The following TSGA10 variants were observed in gnomAD, a reference collection of about 807,000 sequenced individuals.
The protein encoded by TSGA10 is testis-specific gene 10 protein.
A neutral mutation model predicts 96.6 loss-of-function variants in TSGA10; 43 were observed. The observed-to-expected ratio is 0.44, with a 90% CI of 0.35 to 0.57. The LOEUF (loss-of-function observed/expected upper bound fraction) is 0.57. Among genes scored for constraint, TSGA10 ranks in the 20% least tolerant of loss-of-function variants. The pLI, the probability that TSGA10 is intolerant of heterozygous loss-of-function variation, is 0.01. For missense variants in TSGA10, 703 were observed against 834.4 expected, an observed-to-expected ratio of 0.84 and a Z score of 1.94; for synonymous variants, 229 against 269.9, an observed-to-expected ratio of 0.85 and a Z score of 1.48.
intron 1 of TSGA10, among the ~76,000 whole-genome samples, chr2:99,128,973 C>T (rs549720467): frequency 1.6e-4 from 24 of 152,292 alleles, no homozygotes; most frequent in African/African-American, 5.5e-4. Flanking sequence ...GTCTTTAACT[C>T]CTGGGCTCAA....
intron 17 of TSGA10, among the ~76,000 whole-genome samples, chr2:99,022,367 C>T (rs544352933): frequency 9.1e-5 from 13 of 142,526 alleles, no homozygotes; most frequent in Admixed American, 2.9e-4. Flanking sequence ...CAACACAGAA[C>T]GTTCTCTGGC....
intron 16 of TSGA10, among the ~76,000 whole-genome samples, chr2:99,036,042 T>C (rs915368528): frequency 6.6e-6 from 1 of 152,084 alleles, no homozygotes; most frequent in African/African-American, 2.4e-5. Context: ...GTTACATAAA[T>C]GCTTTCGAAT....
intron 1 of TSGA10, among the ~76,000 whole-genome samples, chr2:99,139,709 TC>T (rs2093458009): frequency 1.3e-5 from 2 of 152,078 alleles, no homozygotes; most frequent in Admixed American, 6.6e-5. Context: ...TAAAGATTAA[TC>T]TTAAAAAAAA....
At chr2:99,066,858 C>A (rs757537545) in intron 15 of TSGA10, among the ~76,000 whole-genome samples, 1 of 152,154 alleles carries the variant, frequency 6.6e-6, no homozygotes, top group Non-Finnish European at 1.5e-5. Context: ...AGTCTCACTG[C>A]AACACTCCGT....
chr2:99,094,951 C>T (rs1365476748), intron 10 of TSGA10, among the ~76,000 whole-genome samples: 2 of 152,060 alleles, frequency 1.3e-5, no homozygotes, highest in Non-Finnish European at 2.9e-5. Context: ...CTTGTACACA[C>T]GTTTATAGCA....
rs150697355 is a variant in TSGA10, at chr2:99,117,878, A to G, written c.-355-119T>C. 45 of 311,740 alleles carry G rather than the reference A, an allele frequency of 1.4e-4. 1 individual carries two copies. The East Asian group carries it at 6.2e-3, about 43-fold the overall frequency. 19.3% of individuals were successfully genotyped at this position (311,740 alleles called of 1,614,324 possible). A position where few individuals can be genotyped will look rare whatever the true frequency, so the allele number is the denominator to read the frequency against. On this transcript the variant is annotated intron_variant, in intron 3 of 20. Transcript: ENST00000393483. ...TTCCCTGGCAAAGAAACTTAACTCT[A>G]TACCTTTTTGTGCCTTCTGAATTTT... is the stretch of plus-strand genomic sequence containing the variant.
At chr2:99,143,719 A>G (rs1384165011) in intron 1 of TSGA10, among the ~76,000 whole-genome samples, 1 of 151,592 alleles carries the variant, frequency 6.6e-6, no homozygotes, top group Non-Finnish European at 1.5e-5. Context: ...TGATCCACCC[A>G]CCTCAGCATC....
intron 16 of TSGA10, among the ~76,000 whole-genome samples, chr2:99,060,251 T>A (rs2084533211): frequency 6.6e-6 from 1 of 152,162 alleles, no homozygotes; most frequent in South Asian, 2.1e-4. Context: ...TACTTTTGTG[T>A]ATAGGCTATC....
At chr2:99,024,145 A>G (rs116088186) in intron 17 of TSGA10, among the ~76,000 whole-genome samples, 2,746 of 151,796 alleles carry the variant, frequency 0.018, 84 homozygotes, top group African/African-American at 0.064. Flanking sequence ...GGCAGAGTGC[A>G]GTGGCATAAT....
intron 18 of TSGA10, 36 bp downstream of exon 18, chr2:99,020,244 A>G (rs2079883125): frequency 1.2e-5 from 18 of 1,563,356 alleles, no homozygotes; most frequent in Non-Finnish European, 1.5e-5. Flanking sequence ...AAAAATTAAG[A>G]TGTATGACTT....
chr2:99,082,155 G>T (rs199541752), intron 10 of TSGA10, among the ~76,000 whole-genome samples: 65 of 107,852 alleles, frequency 6.0e-4, no homozygotes, highest in Non-Finnish European at 1.1e-3. Flanking sequence ...CAAACAATGT[G>T]TGAAGTTCCC....
intron 20 of TSGA10, among the ~76,000 whole-genome samples, chr2:99,016,706 C>A (rs1376874694): frequency 3.9e-5 from 6 of 152,178 alleles, no homozygotes; most frequent in African/African-American, 1.2e-4. Context: ...AGTAAACAGA[C>A]AACCCACAGA....
chr2:99,125,798 T>A (rs1024335142), intron 2 of TSGA10: 1 of 152,182 alleles, frequency 6.6e-6, no homozygotes, highest in Non-Finnish European at 1.5e-5. Context: ...GAGTTCAGGC[T>A]CCCCACTAGG....
At chr2:99,012,773 C>T (rs995687823) in intron 20 of TSGA10, among the ~76,000 whole-genome samples, 1 of 152,118 alleles carries the variant, frequency 6.6e-6, no homozygotes, top group African/African-American at 2.4e-5. Flanking sequence ...GACAGGTCAT[C>T]AATACAGAAA....
At chr2:99,140,902 G>T (rs554740936) in intron 1 of TSGA10, among the ~76,000 whole-genome samples, 3 of 152,124 alleles carry the variant, frequency 2.0e-5, no homozygotes, top group Non-Finnish European at 4.4e-5. Context: ...TCGTGCTGCC[G>T]AGCTTCCGGC....
At chr2:99,021,367 C>T (rs535341270) in intron 17 of TSGA10, among the ~76,000 whole-genome samples, 18 of 151,848 alleles carry the variant, frequency 1.2e-4, no homozygotes, top group African/African-American at 4.1e-4. Flanking sequence ...AACTGGAAGA[C>T]AAATAAACTT....
chr2:99,051,062 A>G (rs2104352066), intron 16 of TSGA10, among the ~76,000 whole-genome samples: 1 of 152,302 alleles, frequency 6.6e-6, no homozygotes, highest in Admixed American at 6.5e-5. Flanking sequence ...GGTTTCCAGA[A>G]GTACACTCTA....
intron 20 of TSGA10, among the ~76,000 whole-genome samples, chr2:99,009,225 G>A (rs2078783131): frequency 6.6e-6 from 1 of 151,810 alleles, no homozygotes; most frequent in African/African-American, 2.4e-5. Flanking sequence ...AATAAAAGAT[G>A]GAAAAAAATT....
At chr2:99,075,301 T>C (rs958247494) in intron 12 of TSGA10, among the ~76,000 whole-genome samples, 2 of 152,172 alleles carry the variant, frequency 1.3e-5, no homozygotes, top group South Asian at 2.1e-4. Flanking sequence ...ACTAGGGATG[T>C]AGATTCATGT....
Sources: gnomAD v4.1 joint callset for allele counts (sites outside exome capture counted in the v4.1 genomes callset) on GRCh38, gnomAD v4.1.1 for gene constraint, MANE v1.5 for transcripts, NCBI Gene and HGNC (gene_info 2026-07-23, HGNC 2026-07-21) for gene names.